Variants in LARP1B observed in about 807,000 individuals in gnomAD.
LARP1B encodes la-related protein 1B.
Under a neutral mutation model 114.2 loss-of-function variants are expected in LARP1B, and 76 were observed. The ratio of observed to expected loss-of-function variants is 0.67; its 90% CI spans 0.55 to 0.81. The LOEUF (loss-of-function observed/expected upper bound fraction) is 0.81. Ranked by LOEUF, LARP1B falls within the 30% of genes least tolerant of loss-of-function variation. LARP1B has a pLI of 0.00. For missense variants in LARP1B, 1,014 were observed against 1,075.8 expected, an observed-to-expected ratio of 0.94 and a Z score of 0.80; for synonymous variants, 345 against 348.0, an observed-to-expected ratio of 0.99 and a Z score of 0.10.
intron 11 of LARP1B, 101 bp from the exon 12 acceptor site, chr4:128,162,093 C>A: frequency 2.0e-6 from 2 of 1,017,442 alleles, no homozygotes; most frequent in Non-Finnish European, 2.9e-6. Flanking sequence ...TGTAATTAAT[C>A]CCTGTTTTAG....
intron 11 of LARP1B, chr4:128,155,387 G>A (rs1193490735): frequency 3.3e-6 from 2 of 602,216 alleles, no homozygotes; most frequent in Non-Finnish European, 5.9e-6. Flanking sequence ...CCAGCCCGGG[G>A]CATGTTCTGA....
At chr4:128,084,593 TCG>T (rs1772573808) in intron 5 of LARP1B, among the ~76,000 whole-genome samples, 1 of 143,474 alleles carries the variant, frequency 7.0e-6, no homozygotes, top group African/African-American at 3.0e-5. Context: ...CAGCTTCGGC[TCG>T]GCATCAGAGG....
chr4:128,078,095 A>C (rs777592407), intron 4 of LARP1B, 133 bp downstream of exon 4: 1 of 574,106 alleles, frequency 1.7e-6, no homozygotes, highest in Non-Finnish European at 2.8e-6. Context: ...CAATCTGCAG[A>C]GGTAACTCAT....
chr4:128,107,942 A>G, intron 9 of LARP1B: 1 of 1,535,052 alleles, frequency 6.5e-7, no homozygotes, highest in East Asian at 2.4e-5. Flanking sequence ...GCAGTGGAAT[A>G]GGTGACTCAC....
Position 128,114,554 on chromosome 4 carries a change from T to A in LARP1B, c.989-16T>A, listed in dbSNP as rs1334838299. 2 of 1,581,656 alleles carry A rather than the reference T, an allele frequency of 1.3e-6. No individual in the cohort carries two copies. Among genetic ancestry groups the A allele is most frequent in the Non-Finnish European group, 1.7e-6 (2 of 1,158,610 alleles). ...GCCATTATCATTTTAACTATAGAAC[T>A]AACTTAAAATTTTAGAGTCTGCCCC... On this transcript the variant is annotated splice_polypyrimidine_tract_variant and intron_variant, in intron 9 of 19. Coordinates refer to ENST00000326639, the MANE Select transcript of LARP1B (RefSeq NM_018078.4).
intron 15 of LARP1B, among the ~76,000 whole-genome samples, chr4:128,188,184 C>T (rs1432011100): frequency 6.6e-6 from 1 of 151,824 alleles, no homozygotes; most frequent in Non-Finnish European, 1.5e-5. Flanking sequence ...AAGTGATTCT[C>T]CTGCTTCAGC....
At chr4:128,074,165 C>A (rs1766885214) in intron 1 of LARP1B, among the ~76,000 whole-genome samples, 1 of 151,596 alleles carries the variant, frequency 6.6e-6, no homozygotes, top group South Asian at 2.1e-4. Flanking sequence ...GTCTCGAACT[C>A]CTGACCTCAG....
At chr4:128,098,114 G>A (rs1778745746) in intron 7 of LARP1B, 72 bp from the exon 8 acceptor site, 3 of 1,220,144 alleles carry the variant, frequency 2.5e-6, no homozygotes, top group Admixed American at 3.9e-5. Context: ...GGTTTTCACA[G>A]TTAATGTGGG....
chr4:128,209,490 C>CA (rs1049568526), intron 19 of LARP1B, among the ~76,000 whole-genome samples: 2 of 151,674 alleles, frequency 1.3e-5, no homozygotes, highest in East Asian at 1.9e-4. Flanking sequence ...GTCTCAAAAA[C>CA]AAAAAACAAA....
chr4:128,093,711 T>C (rs1399896902), intron 7 of LARP1B, among the ~76,000 whole-genome samples: 1 of 17,612 alleles, frequency 5.7e-5, no homozygotes, highest in African/African-American at 2.2e-4. Flanking sequence ...TTTTTAAACT[T>C]TTTTTTTTTT....
intron 10 of LARP1B, among the ~76,000 whole-genome samples, chr4:128,115,446 C>T (rs1785470270): frequency 6.6e-6 from 1 of 152,030 alleles, no homozygotes; most frequent in South Asian, 2.1e-4. Flanking sequence ...TGGAATGTGC[C>T]TGTGGTCTCA....
chr4:128,186,832 C>T lies in LARP1B; in HGVS notation c.2003+7320C>T, dbSNP rs909201481. 3.3e-5 allele frequency among the ~76,000 whole-genome samples: 5 copies of T among 152,312 alleles called. No homozygotes were observed. The South Asian group carries it at 6.2e-4, about 19-fold the overall frequency. On this transcript the variant is annotated intron_variant, in intron 15 of 19. Coordinates refer to ENST00000326639, the MANE Select transcript of LARP1B (RefSeq NM_018078.4). ...AGGACAGAATGGGGCCCTGTGCAAC[C>T]TTGGGAAACTGCTCCCTGCATTCCA...
At chr4:128,116,951 G>A (rs183939163) in intron 10 of LARP1B, among the ~76,000 whole-genome samples, 61 of 138,354 alleles carry the variant, frequency 4.4e-4, no homozygotes, top group Non-Finnish European at 7.6e-4. Context: ...TTGCTGTGTC[G>A]CCCAGGCTAG....
chr4:128,065,336 C>CTTTCTTTTCTTTTCTTTTCTTTTCT (rs70966072), intron 1 of LARP1B, among the ~76,000 whole-genome samples: 31 of 108,106 alleles, frequency 2.9e-4, no homozygotes, highest in Middle Eastern at 4.2e-3. Context: ...TCTCTCTTTC[C>CTTTCTTTTCTTTTCTTTTCTTTTCT]TTTCTTTTCT....
At chr4:128,108,754 T>A in intron 9 of LARP1B, 1 of 985,338 alleles carries the variant, frequency 1.0e-6, no homozygotes. Context: ...TTAGCTAGCT[T>A]ATGAACATTG....
chr4:128,108,122 A>G (rs533357599), intron 9 of LARP1B: 36 of 1,327,316 alleles, frequency 2.7e-5, no homozygotes, highest in Admixed American at 3.6e-5. Context: ...GAGGACTGCT[A>G]CTCTTTTTAT....
chr4:128,183,271 T>C (rs1190722615), intron 15 of LARP1B, among the ~76,000 whole-genome samples: 1 of 152,204 alleles, frequency 6.6e-6, no homozygotes, highest in African/African-American at 2.4e-5. Context: ...GAAGGAGCAG[T>C]CAATGTTTGG....
chr4:128,191,848 G>C (rs1752398467), intron 15 of LARP1B, among the ~76,000 whole-genome samples: 1 of 152,132 alleles, frequency 6.6e-6, no homozygotes, highest in South Asian at 2.1e-4. Context: ...GGGAAAGCTG[G>C]CTGTCCTCCT....
chr4:128,206,654 A>G (rs541190240), intron 18 of LARP1B, 117 bp downstream of exon 18: 2 of 1,429,448 alleles, frequency 1.4e-6, no homozygotes, highest in South Asian at 1.7e-5. Context: ...TAAGATCTTC[A>G]TGCTATTGTT....
Sources: allele counts gnomAD v4.1 joint callset (sites outside exome capture counted in the v4.1 genomes callset), GRCh38; gene constraint gnomAD v4.1.1; transcripts MANE v1.5; gene names NCBI Gene and HGNC (gene_info 2026-07-23, HGNC 2026-07-21).